CNBD1: variants seen among roughly 807,000 people sequenced by gnomAD.
CNBD1 encodes cyclic nucleotide-binding domain-containing protein 1.
A neutral mutation model predicts 54.4 loss-of-function variants in CNBD1; 71 were observed. That is an observed-to-expected ratio of 1.30 (90% confidence interval 1.08 to 1.59). The LOEUF (loss-of-function observed/expected upper bound fraction) is 1.59, where lower values mean the gene tolerates loss of function less well. Ranked by LOEUF, CNBD1 falls within the 40% of genes most tolerant of loss-of-function variation. CNBD1 has a pLI of 0.00. For synonymous variants in CNBD1, 182 were observed against 170.7 expected, an observed-to-expected ratio of 1.07 and a Z score of -0.51; for missense variants, 659 against 518.0, an observed-to-expected ratio of 1.27 and a Z score of -2.64.
chr8:86,961,438 A>G (rs1436157909), intron 4 of CNBD1, among the ~76,000 whole-genome samples: 2 of 152,244 alleles, frequency 1.3e-5, no homozygotes, highest in African/African-American at 4.8e-5. Flanking sequence ...GATACATGCA[A>G]TGCAATCTTA....
At position 86,946,804 on chromosome 8, in the gene CNBD1, A is replaced by G. The variant is rs188438698; in HGVS notation, c.431+7050A>G. On this transcript the variant is annotated intron_variant, in intron 4 of 10. Transcript: ENST00000518476. ...AATCCATGATTTCATTAAAAGATTT[A>G]ATGTCTGACTGTACAAAAATATTAC... 2.6e-5 allele frequency among the ~76,000 whole-genome samples: 4 copies of G among 152,264 alleles called. No individual in the cohort carries two copies. The East Asian group carries it at 7.7e-4, about 29-fold the overall frequency.
intron 8 of CNBD1, among the ~76,000 whole-genome samples, chr8:87,302,653 A>G (rs573677898): frequency 3.3e-5 from 5 of 151,508 alleles, no homozygotes; most frequent in Non-Finnish European, 4.4e-5. Flanking sequence ...AGGCAGGAGA[A>G]GGAAATAAAG....
rs1444242553 is a variant in CNBD1, at chr8:87,236,961, C to A, written c.620C>A (p.Ala207Asp). The A allele has an allele frequency of 1.2e-6, 2 of 1,611,292 alleles. No homozygotes were observed. The highest frequency in any genetic ancestry group is 4.5e-5 in the East Asian group (2 of 44,802). ...DGFYVILKGLARPQTNVYKNL... is the reference protein window; with the variant it reads ...DGFYVILKGLDRPQTNVYKNL... ...TTTTATGTAATACTGAAAGGCCTAG[C>A]TCGACCTCAAACAAACGTGTATAAA... The change falls in exon 6 of 11, where the codon GCT (alanine) becomes GAT (aspartate). Residue 207 changes from alanine (A) to aspartate (D), a missense_variant. Transcript: ENST00000518476.
intron 4 of CNBD1, among the ~76,000 whole-genome samples, chr8:87,102,706 C>G (rs756005328): frequency 2.0e-5 from 3 of 152,082 alleles, no homozygotes; most frequent in African/African-American, 2.4e-5. Context: ...CTCTGCCTCC[C>G]GGGTTCACGC....
At chr8:87,069,844 A>G (rs1810724989) in intron 4 of CNBD1, among the ~76,000 whole-genome samples, 1 of 152,122 alleles carries the variant, frequency 6.6e-6, no homozygotes, top group Non-Finnish European at 1.5e-5. Flanking sequence ...ATTTGTTTGT[A>G]CACTGTGCTC....
chr8:87,013,020 CT>C (rs1487269048), intron 4 of CNBD1, among the ~76,000 whole-genome samples: 2 of 152,154 alleles, frequency 1.3e-5, no homozygotes, highest in African/African-American at 4.8e-5. Flanking sequence ...GAGTTTGACT[CT>C]TTTTGTCAAC....
At chr8:87,359,188 G>A (rs1051662495) in intron 10 of CNBD1, among the ~76,000 whole-genome samples, 2 of 152,076 alleles carry the variant, frequency 1.3e-5, no homozygotes, top group African/African-American at 4.8e-5. Context: ...ACTTGGCATT[G>A]TATGGGATTT....
chr8:87,080,940 C>A (rs146894070), intron 4 of CNBD1, among the ~76,000 whole-genome samples: 172 of 151,784 alleles, frequency 1.1e-3, no homozygotes, highest in Middle Eastern at 0.01. Context: ...TTCCCCTTGT[C>A]ATTGTGTCTA....
intron 6 of CNBD1, among the ~76,000 whole-genome samples, chr8:87,250,798 T>C (rs1211956102): frequency 1.3e-5 from 2 of 151,844 alleles, no homozygotes; most frequent in African/African-American, 4.8e-5. Flanking sequence ...AGATAGTGAG[T>C]GGAATGATGT....
intron 2 of CNBD1, among the ~76,000 whole-genome samples, chr8:87,398,218 A>G (rs1334954142): frequency 1.7e-5 from 2 of 117,480 alleles, no homozygotes; most frequent in Non-Finnish European, 3.5e-5. Context: ...TTATTTTCTT[A>G]TAAATCTATT....
intron 4 of CNBD1, among the ~76,000 whole-genome samples, chr8:86,951,348 G>A (rs951512968): frequency 1.3e-5 from 2 of 151,670 alleles, no homozygotes; most frequent in Admixed American, 6.6e-5. Flanking sequence ...CAGCACTTTG[G>A]GAGGCCGAGG....
At chr8:87,090,421 GAC>G (rs1340345367) in intron 4 of CNBD1, among the ~76,000 whole-genome samples, 1 of 152,188 alleles carries the variant, frequency 6.6e-6, no homozygotes, top group East Asian at 1.9e-4. Context: ...TGATTGGAAA[GAC>G]AGTAATCCAT....
chr8:86,867,971 C>T (rs1808388400), intron 1 of CNBD1, among the ~76,000 whole-genome samples: 1 of 152,128 alleles, frequency 6.6e-6, no homozygotes, highest in Admixed American at 6.5e-5. Flanking sequence ...GAGGTTCGCA[C>T]TTGATGTTTC....
intron 2 of CNBD1, among the ~76,000 whole-genome samples, chr8:86,894,033 TA>T (rs1329475000): frequency 1.2e-4 from 16 of 133,558 alleles, no homozygotes; most frequent in African/African-American, 3.0e-4. Context: ...TTTAATAGAT[TA>T]ATTTTTTTTT....
chr8:87,088,125 T>A (rs1304718721), intron 4 of CNBD1, among the ~76,000 whole-genome samples: 1 of 152,030 alleles, frequency 6.6e-6, no homozygotes, highest in Non-Finnish European at 1.5e-5. Flanking sequence ...TGCTTATGAA[T>A]GTAACTTTAG....
chr8:86,992,691 G>C (rs767324193), intron 4 of CNBD1, among the ~76,000 whole-genome samples: 7 of 151,970 alleles, frequency 4.6e-5, no homozygotes, highest in Non-Finnish European at 8.8e-5. Context: ...GACTCTACTT[G>C]TCTGAGAAGG....
chr8:86,882,255 A>G (rs935389696), intron 1 of CNBD1, among the ~76,000 whole-genome samples: 1 of 152,232 alleles, frequency 6.6e-6, no homozygotes, highest in Non-Finnish European at 1.5e-5. Flanking sequence ...AGAATGGGAG[A>G]AAAATTTTGC....
chr8:87,055,717 T>C (rs1810399505), intron 4 of CNBD1, among the ~76,000 whole-genome samples: 1 of 152,060 alleles, frequency 6.6e-6, no homozygotes, highest in Admixed American at 6.6e-5. Context: ...ACTTCCTTCC[T>C]TCCTTCTTTT....
intron 4 of CNBD1, among the ~76,000 whole-genome samples, chr8:87,175,497 A>C (rs1169581823): frequency 6.6e-6 from 1 of 152,152 alleles, no homozygotes. Context: ...CCTTCGAGGC[A>C]AGAAGTTCCC....
Sources: gnomAD v4.1 joint callset for allele counts (sites outside exome capture counted in the v4.1 genomes callset) on GRCh38, gnomAD v4.1.1 for gene constraint, MANE v1.5 for transcripts, NCBI Gene and HGNC (gene_info 2026-07-23, HGNC 2026-07-21) for gene names.